Variants in ATP6V1C2 observed in about 807,000 individuals in gnomAD.
ATP6V1C2 encodes V-type proton ATPase subunit C 2.
In ATP6V1C2, 45 loss-of-function variants were observed where a neutral mutation model predicts 56.8. That is an observed-to-expected ratio of 0.79 (90% CI 0.62 to 1.02). The LOEUF (loss-of-function observed/expected upper bound fraction) is 1.02, where lower values mean the gene tolerates loss of function less well. ATP6V1C2 is among the 50% of genes least tolerant of loss of function. The probability of loss-of-function intolerance (pLI) is 0.00; values close to 1 mark genes in which losing one functional copy is unlikely to be tolerated. For synonymous variants in ATP6V1C2, 220 were observed against 201.3 expected (o/e 1.09, Z -0.79); for missense variants, 463 against 519.7 (o/e 0.89, Z 1.06).
chr2:10,730,778 G>A (rs1279603460), intron 3 of ATP6V1C2, among the ~76,000 whole-genome samples: 2 of 148,548 alleles, frequency 1.3e-5, no homozygotes, highest in Non-Finnish European at 3.0e-5. Context: ...TCAGCCTCCC[G>A]AGTAGCTGGG....
In ATP6V1C2 at chr2:10,783,423, C is replaced by T. The variant is rs753318318; in HGVS notation, c.*160C>T. On this transcript the variant is annotated 3_prime_UTR_variant, in exon 14 of 14. Coordinates refer to ENST00000272238, the MANE Select transcript of ATP6V1C2 (RefSeq NM_001039362.2). ...CAGTTGTATTTATTTTTTTAAGTTA[C>T]AATAAAATGCTCTCAAGTCCTTTGA... is the stretch of plus-strand genomic sequence containing the variant. 5.9e-6 allele frequency: 3 copies of T among 512,094 alleles called. No individual in the cohort carries two copies. The highest frequency in any genetic ancestry group is 7.4e-5 in the Admixed American group (2 of 27,152). The allele number at this position is 512,094 out of a possible 1,614,324, so 31.7% of individuals were successfully genotyped here.
chr2:10,755,631 C>T (rs570161329), intron 4 of ATP6V1C2, among the ~76,000 whole-genome samples: 40 of 152,318 alleles, frequency 2.6e-4, no homozygotes, highest in Non-Finnish European at 4.4e-4. Flanking sequence ...GAGCTCAGCC[C>T]GGCTCCTACT....
chr2:10,776,617 C>G (rs114960387), intron 10 of ATP6V1C2, among the ~76,000 whole-genome samples: 11,090 of 152,296 alleles, frequency 0.073, 507 homozygotes, highest in South Asian at 0.15. Context: ...TTTCCCAGCT[C>G]GATTCAGTCC....
chr2:10,751,185 C>A (rs963916842), intron 3 of ATP6V1C2, among the ~76,000 whole-genome samples: 3 of 152,102 alleles, frequency 2.0e-5, no homozygotes, highest in Non-Finnish European at 4.4e-5. Context: ...CCTAGGCTGG[C>A]AGGGACAAGA....
chr2:10,777,459 G>A (rs1665068302), intron 10 of ATP6V1C2, 126 bp from the exon 11 acceptor site: 4 of 1,254,542 alleles, frequency 3.2e-6, no homozygotes, highest in Non-Finnish European at 4.5e-6. Flanking sequence ...TAGCCAGCAC[G>A]CGAGTCCCGA....
intron 3 of ATP6V1C2, among the ~76,000 whole-genome samples, chr2:10,738,427 G>A (rs1199084823): frequency 1.1e-4 from 16 of 152,140 alleles, no homozygotes; most frequent in Admixed American, 1.0e-3. Context: ...TACAACATGC[G>A]GGAGTAAGGG....
intron 3 of ATP6V1C2, among the ~76,000 whole-genome samples, chr2:10,747,160 C>T (rs1248140330): frequency 1.3e-5 from 2 of 151,890 alleles, no homozygotes; most frequent in Admixed American, 6.6e-5. Context: ...CCCAGCTACT[C>T]GGGAGGCTGA....
At chr2:10,778,508 C>T (rs977483068) in intron 11 of ATP6V1C2, 64 bp from the exon 12 acceptor site, 3 of 1,512,566 alleles carry the variant, frequency 2.0e-6, no homozygotes, top group Non-Finnish European at 2.7e-6. Context: ...AACCCAAGTC[C>T]TTTCTTGGCT....
chr2:10,779,000 A>G (rs549527005), intron 12 of ATP6V1C2, among the ~76,000 whole-genome samples: 1 of 152,194 alleles, frequency 6.6e-6, no homozygotes, highest in South Asian at 2.1e-4. Flanking sequence ...TGGCTCCTGG[A>G]AGGCGCTCTC....
rs570583238 is a variant in ATP6V1C2 at position 10,779,428 on chromosome 2, A to ATAT, written c.1061+759_1061+760insTAT. 1.0e-4 allele frequency among the ~76,000 whole-genome samples: 14 copies of ATAT among 138,330 alleles called. 1 individual carries two copies. Among genetic ancestry groups the ATAT allele is most frequent in the East Asian group, 8.1e-4 (4 of 4,934 alleles). The allele number at this position is 138,330 out of a possible 152,430, so 90.7% of individuals were successfully genotyped here. On this transcript the variant is annotated intron_variant, in intron 12 of 13. Coordinates refer to ENST00000272238, the MANE Select transcript of ATP6V1C2 (RefSeq NM_001039362.2). ...CCGGCCTTTGCCTAATAAAAAAAAA[A>ATAT]ATATATATATATATGTATGTATATA...
rs192443934 is a variant in ATP6V1C2, at chr2:10,734,591, G to A, written c.197+8022G>A. 2.0e-3 allele frequency among the ~76,000 whole-genome samples: 298 copies of A among 152,170 alleles called. 9 individuals carry two copies. Among genetic ancestry groups the A allele is most frequent in the Non-Finnish European group, 2.9e-4 (20 of 67,990 alleles). The stretch of plus-strand genomic sequence containing the variant: ...GCAAGAGTTCCAAATGAGGAAACAG[G>A]CCCAGAGAGAAGATCCTAGAAAGAC... On this transcript the variant is annotated intron_variant, in intron 3 of 13. Coordinates refer to ENST00000272238, the MANE Select transcript of ATP6V1C2 (RefSeq NM_001039362.2).
intron 7 of ATP6V1C2, 144 bp from the exon 8 acceptor site, chr2:10,772,398 C>A: frequency 1.3e-6 from 1 of 747,768 alleles, no homozygotes; most frequent in Non-Finnish European, 2.4e-6. Flanking sequence ...AACAGCAGAC[C>A]TCAGGGGAGG....
At chr2:10,757,839 C>T (rs1176713082) in intron 4 of ATP6V1C2, among the ~76,000 whole-genome samples, 1 of 152,180 alleles carries the variant, frequency 6.6e-6, no homozygotes. Context: ...ACCTTAAACT[C>T]CAGGCTTCAC....
Position 10,722,827 on chromosome 2 carries a change from CT to C in ATP6V1C2, c.-22del, listed in dbSNP as rs1661439049. On this transcript the variant is annotated 5_prime_UTR_variant, in exon 2 of 14. Coordinates refer to ENST00000272238, the MANE Select transcript of ATP6V1C2 (RefSeq NM_001039362.2). ...TGTTTGTCCTGGTTCTGGGCAGTCA[CT>C]GGGTAAGAGAAGACTGGAAGCATGT... 6.2e-7 allele frequency: 1 copy of C among 1,613,244 alleles called. No homozygotes were observed. Among genetic ancestry groups the C allele is most frequent in the Non-Finnish European group, 8.5e-7 (1 of 1,179,640 alleles).
chr2:10,739,244 T>C (rs1662417600), intron 3 of ATP6V1C2, among the ~76,000 whole-genome samples: 1 of 152,074 alleles, frequency 6.6e-6, no homozygotes, highest in Admixed American at 6.6e-5. Flanking sequence ...GATCTCGCCA[T>C]GGCACTCCAG....
At position 10,771,806 on chromosome 2, in the gene ATP6V1C2, T is replaced by C; in HGVS notation, c.471-33T>C. On this transcript the variant is annotated intron_variant, in intron 6 of 13. Transcript: ENST00000272238. ...GTCACTGTGTCCCTTTCTGCTCACA[T>C]CTTTCACACCCTTTGTTCCACCTGC... 1.9e-6 allele frequency: 3 copies of C among 1,565,078 alleles called. No individual in the cohort carries two copies. In the South Asian group the frequency reaches 3.3e-5, roughly 17 times the overall value.
In ATP6V1C2 at chr2:10,783,359, A is replaced by G. The variant is rs1440626065; in HGVS notation, c.*96A>G. The G allele has an allele frequency of 1.7e-5, 13 of 744,140 alleles. No homozygotes were observed. Among genetic ancestry groups the G allele is most frequent in the Non-Finnish European group, 2.8e-5 (13 of 462,466 alleles). The allele number at this position is 744,140 out of a possible 1,614,324, so 46.1% of individuals were successfully genotyped here. ...AATGGTTCAAATGTCTTACAGAACT[A>G]AGATCTTTTTCAGAGAAATTGCTCA... is the stretch of plus-strand genomic sequence containing the variant. On this transcript the variant is annotated 3_prime_UTR_variant, in exon 14 of 14. Transcript: ENST00000272238.
chr2:10,748,449 A>G (rs914193679), intron 3 of ATP6V1C2, among the ~76,000 whole-genome samples: 2 of 152,094 alleles, frequency 1.3e-5, no homozygotes, highest in African/African-American at 4.8e-5. Flanking sequence ...TTTTTTAAAC[A>G]AGGTAAAAGA....
chr2:10,772,042 C>T (rs920140963), intron 7 of ATP6V1C2, 105 bp downstream of exon 7: 2 of 949,864 alleles, frequency 2.1e-6, no homozygotes, highest in Admixed American at 3.6e-5. Context: ...CCTGCCCAGC[C>T]CCAGTTCTCG....
Sources: gnomAD v4.1 joint callset for allele counts (sites outside exome capture counted in the v4.1 genomes callset) on GRCh38, gnomAD v4.1.1 for gene constraint, MANE v1.5 for transcripts, NCBI Gene and HGNC (gene_info 2026-07-23, HGNC 2026-07-21) for gene names.